Variants in RDH10 observed in about 807,000 individuals in gnomAD.
RDH10 encodes retinol dehydrogenase 10 (all-trans).
Under a neutral mutation model 30.2 loss-of-function variants are expected in RDH10, and 12 were observed. That is an observed-to-expected ratio of 0.40 (90% CI 0.25 to 0.64). The LOEUF (loss-of-function observed/expected upper bound fraction) is 0.64, where lower values mean the gene tolerates loss of function less well. RDH10 is among the 30% of genes least tolerant of loss of function. The pLI is 0.43. For synonymous variants in RDH10, 189 were observed against 172.2 expected (o/e 1.10, Z -0.76); for missense variants, 268 against 445.2 (o/e 0.60, Z 3.58).
intron 2 of RDH10, chr8:73,300,464 G>A (rs1279529721): frequency 6.6e-6 from 1 of 152,142 alleles, no homozygotes; most frequent in African/African-American, 2.4e-5. Flanking sequence ...TCTTTTTACT[G>A]TATCTGGGTA....
In RDH10 at chr8:73,323,984, T is replaced by C. The variant is rs911067161; in HGVS notation, c.*948T>C. ...TAATTTTATCTCTGATATACTTCATTAAGTGTCTGGAGACCTAATTATCCT... is the reference window on the plus strand; with the variant it reads ...TAATTTTATCTCTGATATACTTCATCAAGTGTCTGGAGACCTAATTATCCT... On this transcript the variant is annotated 3_prime_UTR_variant, in exon 6 of 6. Transcript: ENST00000240285. 9 of 152,616 alleles carry C rather than the reference T, an allele frequency of 5.9e-5. No homozygotes were observed. Among genetic ancestry groups the C allele is most frequent in the Non-Finnish European group, 1.2e-4 (8 of 68,054 alleles). The allele number at this position is 152,616 out of a possible 1,614,324, so 9.5% of individuals were successfully genotyped here. A position where few individuals can be genotyped will look rare whatever the true frequency, so the allele number is the denominator to read the frequency against.
chr8:73,309,768 G>T (rs1454452900), intron 2 of RDH10, among the ~76,000 whole-genome samples: 1 of 152,104 alleles, frequency 6.6e-6, no homozygotes, highest in Non-Finnish European at 1.5e-5. Flanking sequence ...TAGTTCTCAT[G>T]TGGGTGATTT....
At chr8:73,299,800 C>T (rs1005563940) in intron 2 of RDH10, among the ~76,000 whole-genome samples, 2 of 152,184 alleles carry the variant, frequency 1.3e-5, no homozygotes, top group East Asian at 3.8e-4. Flanking sequence ...AAACCAGCTC[C>T]AGGAAGACAT....
At chr8:73,304,535 A>G (rs1814436031) in intron 2 of RDH10, among the ~76,000 whole-genome samples, 1 of 152,176 alleles carries the variant, frequency 6.6e-6, no homozygotes, top group Non-Finnish European at 1.5e-5. Context: ...CACAGCGTGA[A>G]GTCCAGGCTC....
intron 2 of RDH10, chr8:73,311,731 C>T (rs1814566644): frequency 6.6e-6 from 1 of 152,174 alleles, no homozygotes; most frequent in East Asian, 1.9e-4. Flanking sequence ...AATGTTTTGT[C>T]CCAATCTGAT....
chr8:73,308,743 T>C (rs963853562), intron 2 of RDH10, among the ~76,000 whole-genome samples: 2 of 152,316 alleles, frequency 1.3e-5, no homozygotes, highest in Non-Finnish European at 2.9e-5. Context: ...TAGGGGCTCT[T>C]GGCATTGATT....
chr8:73,323,249 C>G lies in RDH10; in HGVS notation c.*213C>G, dbSNP rs890767365. 4.7e-6 allele frequency: 2 copies of G among 428,884 alleles called. No homozygotes were observed. Among genetic ancestry groups the G allele is most frequent in the African/African-American group, 2.0e-5 (1 of 50,478 alleles). 26.6% of individuals were successfully genotyped at this position (428,884 alleles called of 1,614,324 possible). ...GAACTTAGGTTGTTGCCAACAGGGT[C>G]CTTTTAGGCAGAACCCAGAAACCAG... On this transcript the variant is annotated 3_prime_UTR_variant, in exon 6 of 6. Coordinates refer to ENST00000240285, the MANE Select transcript of RDH10 (RefSeq NM_172037.5).
intron 1 of RDH10, chr8:73,295,918 C>G (rs1460391143): frequency 2.1e-6 from 2 of 970,302 alleles, no homozygotes; most frequent in Non-Finnish European, 1.3e-6. Flanking sequence ...CTCCGACTTA[C>G]AAGCGGCGCG....
At chr8:73,301,023 C>T (rs1230051227) in intron 2 of RDH10, among the ~76,000 whole-genome samples, 1 of 150,088 alleles carries the variant, frequency 6.7e-6, no homozygotes, top group African/African-American at 2.5e-5. Context: ...TTTTCCTTTG[C>T]CTGGAACAAA....
Position 73,321,724 on chromosome 8 carries a change from G to T in RDH10, c.770+647G>T, listed in dbSNP as rs561784368. ...ACTGTGAATCATTAAGAGGATGCTT[G>T]TGAAGACATGCTTACTTTTATCTTT... On this transcript the variant is annotated intron_variant, in intron 4 of 5. Transcript: ENST00000240285. 7.5e-4 allele frequency: 330 copies of T among 440,524 alleles called. 5 individuals carry two copies. Among genetic ancestry groups the T allele is most frequent in the South Asian group, 5.1e-3 (318 of 62,812 alleles). The allele number at this position is 440,524 out of a possible 1,614,324, so 27.3% of individuals were successfully genotyped here.
intron 2 of RDH10, among the ~76,000 whole-genome samples, chr8:73,299,445 GACAT>G (rs764735951): frequency 7.2e-5 from 11 of 152,286 alleles, no homozygotes; most frequent in East Asian, 5.8e-4. Context: ...TGAAATAAAA[GACAT>G]ACATAAGTGG....
intron 2 of RDH10, among the ~76,000 whole-genome samples, chr8:73,301,713 G>A (rs763869333): frequency 6.6e-6 from 1 of 152,120 alleles, no homozygotes; most frequent in Non-Finnish European, 1.5e-5. Context: ...CAGACATGGC[G>A]CCACTGCACT....
intron 2 of RDH10, among the ~76,000 whole-genome samples, chr8:73,314,497 A>G (rs1007504939): frequency 6.6e-6 from 1 of 152,264 alleles, no homozygotes; most frequent in African/African-American, 2.4e-5. Context: ...AATGATTAAC[A>G]GCCTTCGTGC....
chr8:73,321,916 C>A (rs1304389044), intron 4 of RDH10: 2 of 456,122 alleles, frequency 4.4e-6, no homozygotes, highest in Admixed American at 2.3e-5. Flanking sequence ...GGAAAATGGA[C>A]TCTAGCTCTG....
chr8:73,320,691 C>T (rs574544413), intron 3 of RDH10, among the ~76,000 whole-genome samples: 1 of 152,138 alleles, frequency 6.6e-6, no homozygotes, highest in South Asian at 2.1e-4. Flanking sequence ...AGGCTGGTCT[C>T]GAGCTCCTGA....
chr8:73,308,930 C>T (rs547353883), intron 2 of RDH10, among the ~76,000 whole-genome samples: 19 of 152,254 alleles, frequency 1.2e-4, no homozygotes, highest in Admixed American at 5.9e-4. Context: ...CTTGTAGTCC[C>T]GAGCAGCCAC....
At chr8:73,307,216 G>A (rs78186216) in intron 2 of RDH10, among the ~76,000 whole-genome samples, 135 of 152,300 alleles carry the variant, frequency 8.9e-4, no homozygotes, top group African/African-American at 2.6e-3. Flanking sequence ...GGAAAGTTTC[G>A]TTGTTTTCCA....
At chr8:73,296,808 C>G (rs138352448) in intron 1 of RDH10, among the ~76,000 whole-genome samples, 86 of 152,276 alleles carry the variant, frequency 5.6e-4, no homozygotes, top group Admixed American at 2.4e-3. Context: ...AGCTGTTTCT[C>G]TTGGGCCACT....
chr8:73,305,368 A>C (rs1166769023), intron 2 of RDH10, among the ~76,000 whole-genome samples: 1 of 152,246 alleles, frequency 6.6e-6, no homozygotes, highest in Non-Finnish European at 1.5e-5. Context: ...AGTTAGATGA[A>C]TTTTAAGTAG....
Sources: gnomAD v4.1 joint callset for allele counts (sites outside exome capture counted in the v4.1 genomes callset) on GRCh38, gnomAD v4.1.1 for gene constraint, MANE v1.5 for transcripts, NCBI Gene and HGNC (gene_info 2026-07-23, HGNC 2026-07-21) for gene names.